AKAP12: variants seen among roughly 807,000 people sequenced by gnomAD.
AKAP12 encodes the protein A-kinase anchoring protein 12, also known as A-kinase anchor protein 12.
A neutral mutation model predicts 79.9 loss-of-function variants in AKAP12; 32 were observed. That is an observed-to-expected ratio of 0.40 (90% CI 0.30 to 0.54). AKAP12 has a LOEUF of 0.54. Among genes scored for constraint, AKAP12 ranks in the 20% least tolerant of loss-of-function variants. The pLI is 0.48. For missense variants in AKAP12, 2,074 were observed against 2,177.0 expected, an observed-to-expected ratio of 0.95 and a Z score of 0.94; for synonymous variants, 808 against 857.0, an observed-to-expected ratio of 0.94 and a Z score of 1.00.
Position 151,353,350 on chromosome 6 carries a change from T to C in AKAP12, c.4959T>C (p.Asp1653=). The C allele has an allele frequency of 6.2e-7, 1 of 1,614,068 alleles. No individual in the cohort carries two copies. The highest frequency in any genetic ancestry group is 1.1e-5 in the South Asian group (1 of 91,072). ...AGGTAGAAGGTTCCACTGTAAATGATCAGCAGCTGGAAGAGGTCGTCCTCC... is the reference window on the plus strand; with the variant it reads ...AGGTAGAAGGTTCCACTGTAAATGACCAGCAGCTGGAAGAGGTCGTCCTCC... ...TVEVEGSTVN[D]QQLEEVVLPS... is the part of the protein sequence containing the mutation. The change falls in exon 4 of 5, where the codon GAT becomes GAC. Residue 1653 remains aspartate, a synonymous_variant. Transcript: ENST00000402676.
chr6:151,325,462 A>T (rs1777498499), intron 3 of AKAP12: 1 of 985,402 alleles, frequency 1.0e-6, no homozygotes, highest in African/African-American at 1.7e-5. Context: ...GACTCTGCAG[A>T]ACCCGCTGAC....
intron 3 of AKAP12, among the ~76,000 whole-genome samples, chr6:151,319,443 G>GTCTATCTATCTATCTATCTA (rs59954289): frequency 4.3e-5 from 6 of 140,262 alleles, no homozygotes; most frequent in African/African-American, 1.3e-4. Flanking sequence ...ACAGGTGTCT[G>GTCTATCTATCTATCTATCTA]TCTATCTATC....
chr6:151,295,741 C>T (rs1773896830), intron 2 of AKAP12, among the ~76,000 whole-genome samples: 1 of 152,230 alleles, frequency 6.6e-6, no homozygotes, highest in African/African-American at 2.4e-5. Flanking sequence ...ATAGCTCCTA[C>T]TCGGCAGTTG....
At chr6:151,316,597 C>T (rs901877839) in intron 3 of AKAP12, among the ~76,000 whole-genome samples, 31 of 152,164 alleles carry the variant, frequency 2.0e-4, no homozygotes, top group African/African-American at 7.5e-4. Context: ...TGTGCACATG[C>T]ACATTCCTGG....
At chr6:151,251,923 G>A (rs575875865) in intron 2 of AKAP12, among the ~76,000 whole-genome samples, 57 of 152,248 alleles carry the variant, frequency 3.7e-4, no homozygotes, top group African/African-American at 1.4e-3. Flanking sequence ...CTTGAACCCG[G>A]GAGGCGGAGG....
intron 2 of AKAP12, among the ~76,000 whole-genome samples, chr6:151,261,649 C>G (rs149115376): frequency 0.016 from 2,453 of 151,434 alleles, 66 homozygotes; most frequent in African/African-American, 0.056. Context: ...TGCAGTGAGC[C>G]GTGATCATGC....
At chr6:151,272,917 G>A (rs1410575078) in intron 2 of AKAP12, among the ~76,000 whole-genome samples, 2 of 152,042 alleles carry the variant, frequency 1.3e-5, no homozygotes, top group Non-Finnish European at 2.9e-5. Flanking sequence ...ATTCAGGCTG[G>A]ACATTGTTTT....
Position 151,353,109 on chromosome 6 carries a change from C to A in AKAP12, c.4718C>A (p.Thr1573Lys). 6.2e-7 allele frequency: 1 copy of A among 1,614,162 alleles called. No homozygotes were observed. The highest frequency in any genetic ancestry group is 8.5e-7 in the Non-Finnish European group (1 of 1,180,034). Residue 1573 changes from threonine to lysine, a missense_variant, in exon 4 of 5, where the codon ACG (threonine) becomes AAG (lysine). Around this residue, in one of 3 missense-constraint regions of AKAP12, gnomAD observed 614 missense variants for 665.6 expected, o/e 0.92. Transcript: ENST00000402676. ...RTEETATEML[T>K]SELQTQAHVI... ...GAAGAAACAGCCACCGAAATGTTGA[C>A]GTCTGAGTTACAGACACAAGCTCAC...
At chr6:151,282,269 C>T (rs555968589) in intron 2 of AKAP12, among the ~76,000 whole-genome samples, 36 of 151,970 alleles carry the variant, frequency 2.4e-4, no homozygotes, top group African/African-American at 8.7e-4. Context: ...GCCACCACGC[C>T]CAGCTAATTT....
chr6:151,340,048 C>T (rs1376440599), intron 3 of AKAP12, among the ~76,000 whole-genome samples: 1 of 152,034 alleles, frequency 6.6e-6, no homozygotes, highest in Non-Finnish European at 1.5e-5. Context: ...GCCTCAGCCT[C>T]CCGAGTAGCT....
At chr6:151,337,285 A>G (rs931873469) in intron 3 of AKAP12, among the ~76,000 whole-genome samples, 28 of 151,356 alleles carry the variant, frequency 1.8e-4, no homozygotes, top group African/African-American at 6.3e-4. Flanking sequence ...TGGGTAGATC[A>G]CCTGAGGTCA....
rs1430591170 is a variant in AKAP12, at chr6:151,357,177, TTTTTTTG to T, written c.*1467_*1473del. ...GTCATGCTAATACATTGAGGGTTTG[TTTTTTTG>T]TTTGTTTGTTTGTTTGTTTTTGAGA... On this transcript the variant is annotated 3_prime_UTR_variant, in exon 5 of 5. Coordinates refer to ENST00000402676, the MANE Select transcript of AKAP12 (RefSeq NM_005100.4). 1 of 96,836 alleles carries T rather than the reference TTTTTTTG, an allele frequency of 1.0e-5. No homozygotes were observed. The highest frequency in any genetic ancestry group is 3.6e-5 in the African/African-American group (1 of 27,534). The allele number at this position is 96,836 out of a possible 1,614,324, so 6.0% of individuals were successfully genotyped here.
chr6:151,242,730 T>A (rs984968723), intron 2 of AKAP12, among the ~76,000 whole-genome samples: 1 of 152,212 alleles, frequency 6.6e-6, no homozygotes, highest in Non-Finnish European at 1.5e-5. Context: ...CCCAGCAGTT[T>A]TCACATGTGT....
chr6:151,354,148 C>A, intron 4 of AKAP12, among the ~76,000 whole-genome samples: 1 of 149,150 alleles, frequency 6.7e-6, no homozygotes, highest in African/African-American at 2.5e-5. Flanking sequence ...ACGACTCCGT[C>A]TCAAAAAAAA....
At chr6:151,242,417 C>T (rs1796996752) in intron 2 of AKAP12, among the ~76,000 whole-genome samples, 1 of 152,212 alleles carries the variant, frequency 6.6e-6, no homozygotes, top group Non-Finnish European at 1.5e-5. Flanking sequence ...CAAACAACCT[C>T]CTTTTAAAAA....
intron 3 of AKAP12, among the ~76,000 whole-genome samples, chr6:151,315,355 G>A: frequency 6.6e-6 from 1 of 152,170 alleles, no homozygotes; most frequent in Middle Eastern, 3.2e-3. Context: ...TGTGGCAGAA[G>A]GGCAGAGGGG....
chr6:151,285,384 C>G (rs369064164), intron 2 of AKAP12, among the ~76,000 whole-genome samples: 2 of 136,462 alleles, frequency 1.5e-5, no homozygotes, highest in Non-Finnish European at 3.1e-5. Context: ...CTGCATTTCA[C>G]TGTGTGTGTG....
intron 2 of AKAP12, among the ~76,000 whole-genome samples, chr6:151,253,538 T>G (rs6927265): frequency 0.4 from 60,389 of 151,998 alleles, 12,664 homozygotes; most frequent in Non-Finnish European, 0.47. Flanking sequence ...AACAGTCTTA[T>G]TCAACATCAA....
intron 4 of AKAP12, among the ~76,000 whole-genome samples, 156 bp from the exon 5 acceptor site, chr6:151,355,571 G>C (rs566053483): frequency 6.6e-6 from 1 of 152,244 alleles, no homozygotes; most frequent in South Asian, 2.1e-4. Context: ...AAAGTGCTGG[G>C]ATTACAGGCA....
Sources: allele counts gnomAD v4.1 joint callset (sites outside exome capture counted in the v4.1 genomes callset), GRCh38; gene constraint gnomAD v4.1.1; regional missense constraint gnomAD v4.1.1; transcripts MANE v1.5; gene names NCBI Gene and HGNC (gene_info 2026-07-23, HGNC 2026-07-21).